HPSE2: variants seen among roughly 807,000 people sequenced by gnomAD.
The protein encoded by HPSE2 is heparanase 2 (inactive).
Under a neutral mutation model 60.5 loss-of-function variants are expected in HPSE2, and 38 were observed. The observed-to-expected ratio is 0.63, with a 90% CI of 0.48 to 0.82. The LOEUF is 0.82. HPSE2 is among the 40% of genes least tolerant of loss of function. The pLI is 0.00. For missense variants in HPSE2, 713 were observed against 740.4 expected (o/e 0.96, Z 0.43); for synonymous variants, 295 against 293.2 (o/e 1.01, Z -0.06).
At chr10:98,638,073 G>C (rs960044110) in intron 7 of HPSE2, among the ~76,000 whole-genome samples, 6 of 146,874 alleles carry the variant, frequency 4.1e-5, no homozygotes, top group Non-Finnish European at 8.9e-5. Flanking sequence ...CTGGGAGGCT[G>C]AGGTTCAGTG....
At chr10:99,152,180 A>G (rs1846295038) in intron 2 of HPSE2, among the ~76,000 whole-genome samples, 2 of 151,902 alleles carry the variant, frequency 1.3e-5, no homozygotes, top group African/African-American at 2.4e-5. Flanking sequence ...GCATGGTGGC[A>G]GGCGCCTGTA....
chr10:98,895,068 T>A (rs1400027018), intron 3 of HPSE2, among the ~76,000 whole-genome samples: 3 of 151,860 alleles, frequency 2.0e-5, no homozygotes, highest in Non-Finnish European at 4.4e-5. Context: ...AACAAAGACA[T>A]CTGAAGTTTA....
chr10:98,504,171 C>T (rs1942118564), intron 9 of HPSE2, among the ~76,000 whole-genome samples: 1 of 152,174 alleles, frequency 6.6e-6, no homozygotes, highest in South Asian at 2.1e-4. Context: ...TGCACATCAT[C>T]TCCTTTCTGA....
intron 9 of HPSE2, among the ~76,000 whole-genome samples, chr10:98,546,122 A>G (rs1425472214): frequency 7.4e-6 from 1 of 134,784 alleles, no homozygotes; most frequent in Non-Finnish European, 1.7e-5. Flanking sequence ...CTTCAAGGAG[A>G]ACTACAAGCC....
chr10:99,164,159 T>G (rs981630376), intron 2 of HPSE2, among the ~76,000 whole-genome samples: 2 of 147,590 alleles, frequency 1.4e-5, no homozygotes, highest in African/African-American at 5.0e-5. Context: ...TCCCTCTACA[T>G]TTATTAATTG....
chr10:99,208,571 A>G (rs553960542), intron 2 of HPSE2, among the ~76,000 whole-genome samples: 32 of 152,194 alleles, frequency 2.1e-4, no homozygotes, highest in African/African-American at 7.5e-4. Flanking sequence ...CTATAGTCCC[A>G]ACTATGTGAG....
chr10:98,537,522 C>T (rs1229418893), intron 9 of HPSE2, among the ~76,000 whole-genome samples: 1 of 152,156 alleles, frequency 6.6e-6, no homozygotes, highest in African/African-American at 2.4e-5. Context: ...TAATATTACT[C>T]TTTGTTGCAT....
At position 98,987,403 on chromosome 10, in the gene HPSE2, T is replaced by G. The variant is rs564259539; in HGVS notation, c.610+156835A>C. Among the ~76,000 whole-genome samples the G allele has an allele frequency of 1.9e-3, 290 of 152,268 alleles. 1 individual carries two copies. The highest frequency in any genetic ancestry group is 6.8e-3 in the African/African-American group (283 of 41,554). ...AGAACCAAAGACAAAAACCACATGA[T>G]TATCTCAATAGATGCAGAAAAGGCC... On this transcript the variant is annotated intron_variant, in intron 3 of 11. Coordinates refer to ENST00000370552, the MANE Select transcript of HPSE2 (RefSeq NM_021828.5).
chr10:99,094,546 T>A (rs201950434), intron 3 of HPSE2, among the ~76,000 whole-genome samples: 232 of 22,692 alleles, frequency 0.01, no homozygotes, highest in East Asian at 0.026. Flanking sequence ...ATATATTTTT[T>A]TTTTTTTTTT....
In HPSE2 at chr10:98,704,327, A is replaced by G. The variant is rs183663796; in HGVS notation, c.957-10380T>C. ...GAATCAATACCGTGAAAATGGCCAC[A>G]CTGCCCAAAGTAATTTACAGATTCA... On this transcript the variant is annotated intron_variant, in intron 5 of 11. Coordinates refer to ENST00000370552, the MANE Select transcript of HPSE2 (RefSeq NM_021828.5). 1.1e-3 allele frequency among the ~76,000 whole-genome samples: 172 copies of G among 152,290 alleles called. 3 individuals are homozygous for G. The highest frequency in any genetic ancestry group is 3.8e-3 in the African/African-American group (160 of 41,562).
At chr10:98,753,152 A>G (rs550909101) in intron 3 of HPSE2, among the ~76,000 whole-genome samples, 34 of 152,328 alleles carry the variant, frequency 2.2e-4, no homozygotes, top group South Asian at 4.1e-4. Flanking sequence ...AACTATAGGT[A>G]ATGATGATAC....
At chr10:98,493,361 T>C (rs772048689) in intron 9 of HPSE2, among the ~76,000 whole-genome samples, 3 of 152,212 alleles carry the variant, frequency 2.0e-5, no homozygotes, top group Non-Finnish European at 4.4e-5. Flanking sequence ...TTTATTTCTG[T>C]ATTGTTTTCT....
intron 3 of HPSE2, among the ~76,000 whole-genome samples, chr10:98,802,502 G>A (rs1647418106): frequency 8.5e-6 from 1 of 117,414 alleles, no homozygotes; most frequent in Non-Finnish European, 1.6e-5. Flanking sequence ...CCCAGAGTGT[G>A]ATGTTCCCCT....
At position 99,232,377 on chromosome 10, in the gene HPSE2, G is replaced by C. The variant is rs967685128; in HGVS notation, c.419C>G (p.Pro140Arg). ...CTCATAGTTTTTGAGATAGTAATCC[G>C]GGCCCGGGCCCCCGCGGCTTTTCGC... ...NPAKSRGGPG[P>R]DYYLKNYEDD... Residue 140 changes from proline to arginine, a missense_variant, in exon 2 of 12, where the codon CCG becomes CGG. Pro to Arg is a moderately radical substitution (Grantham distance 103). Coordinates refer to ENST00000370552, the MANE Select transcript of HPSE2 (RefSeq NM_021828.5). 9.7e-6 allele frequency: 15 copies of C among 1,551,526 alleles called. No individual in the cohort carries two copies. Among genetic ancestry groups the C allele is most frequent in the Non-Finnish European group, 1.3e-5 (15 of 1,146,996 alleles).
At chr10:99,256,512 G>A in the HPSE2 span, among the ~76,000 whole-genome samples, 6 of 149,290 alleles carry the variant, frequency 4.0e-5, no homozygotes, top group Admixed American at 2.7e-4. Context: ...CTGATATTCC[G>A]TTAGCACAAA....
At chr10:98,821,202 G>A (rs1326788027) in intron 3 of HPSE2, among the ~76,000 whole-genome samples, 1 of 152,120 alleles carries the variant, frequency 6.6e-6, no homozygotes, top group Non-Finnish European at 1.5e-5. Context: ...CATCTCTTAA[G>A]TACGGGAATA....
chr10:98,949,526 C>T (rs1460236690), intron 3 of HPSE2, among the ~76,000 whole-genome samples: 1 of 152,148 alleles, frequency 6.6e-6, no homozygotes, highest in East Asian at 1.9e-4. Context: ...CAGAGAGCAG[C>T]AGAGTTTACA....
chr10:99,174,020 T>C (rs1178115420), intron 2 of HPSE2, among the ~76,000 whole-genome samples: 1 of 151,720 alleles, frequency 6.6e-6, no homozygotes, highest in Non-Finnish European at 1.5e-5. Flanking sequence ...TGTCATCCCT[T>C]AGTGATAAGG....
chr10:99,089,451 T>C (rs1189326412), intron 3 of HPSE2, among the ~76,000 whole-genome samples: 1 of 152,198 alleles, frequency 6.6e-6, no homozygotes, highest in African/African-American at 2.4e-5. Context: ...ACTTTGTTTT[T>C]GTTTGCTTTG....
Sources: allele counts gnomAD v4.1 joint callset (sites outside exome capture counted in the v4.1 genomes callset), GRCh38; gene constraint gnomAD v4.1.1; transcripts MANE v1.5; gene names NCBI Gene and HGNC (gene_info 2026-07-23, HGNC 2026-07-21).